Variants in CLECL1 observed in about 807,000 individuals in gnomAD.
CLECL1 encodes C-type lectin-like domain family 1.
the CLECL1 span, among the ~76,000 whole-genome samples, chr12:9,709,864 A>C: frequency 1.3e-5 from 2 of 152,162 alleles, no homozygotes; most frequent in African/African-American, 4.8e-5. Context: ...CAGCTAGTAC[A>C]TTAGAGGACC....
the CLECL1 span, among the ~76,000 whole-genome samples, chr12:9,702,711 T>C: frequency 2.0e-4 from 31 of 152,320 alleles, no homozygotes; most frequent in Non-Finnish European, 2.4e-4. Flanking sequence ...CTTTCTCTCT[T>C]ATGTAAAATA....
chr12:9,705,109 G>A, the CLECL1 span, among the ~76,000 whole-genome samples: 1 of 152,088 alleles, frequency 6.6e-6, no homozygotes, highest in African/African-American at 2.4e-5. Context: ...CCATCTGACT[G>A]GTGTGGGATG....
the CLECL1 span, among the ~76,000 whole-genome samples, chr12:9,703,343 TAC>T: frequency 6.6e-6 from 1 of 151,964 alleles, no homozygotes. Context: ...TATACACACA[TAC>T]ACACACACTC....
intron 1 of CLECL1, among the ~76,000 whole-genome samples, chr12:9,730,043 T>C (rs1034734008): frequency 2.6e-5 from 4 of 152,196 alleles, no homozygotes; most frequent in African/African-American, 9.7e-5. Context: ...TCTCCTCTTA[T>C]ATAATGTATC....
chr12:9,724,184 GAAA>G (rs71045296), intron 3 of CLECL1, among the ~76,000 whole-genome samples: 3 of 130,140 alleles, frequency 2.3e-5, no homozygotes, highest in Admixed American at 7.9e-5. Flanking sequence ...GCAACTCCAT[GAAA>G]AAAAAAAAAA....
chr12:9,713,854 A>T (rs1163178490), downstream of CLECL1, among the ~76,000 whole-genome samples: 1 of 152,162 alleles, frequency 6.6e-6, no homozygotes, highest in Non-Finnish European at 1.5e-5. Context: ...TATTGCTGGG[A>T]ACCAATTTCC....
exon 4 of CLECL1, chr12:9,722,717 G>C: frequency 6.2e-7 from 1 of 1,613,830 alleles, no homozygotes. Context: ...TTTGTTCCAA[G>C]ATTTCTTAGT....
intron 3 of CLECL1, among the ~76,000 whole-genome samples, chr12:9,723,503 C>T (rs190651662): frequency 9.9e-5 from 15 of 151,834 alleles, no homozygotes; most frequent in Admixed American, 7.9e-4. Flanking sequence ...GTGAACAAAG[C>T]CAGACAGATT....
exon 4 of CLECL1, chr12:9,722,685 T>C (rs763561726): frequency 1.9e-6 from 3 of 1,613,990 alleles, no homozygotes; most frequent in Non-Finnish European, 8.5e-7. Flanking sequence ...TATGAATTGT[T>C]TATGGCACAG....
upstream of CLECL1, among the ~76,000 whole-genome samples, chr12:9,733,452 G>A (rs1317440935): frequency 1.3e-5 from 2 of 152,086 alleles, no homozygotes; most frequent in Non-Finnish European, 2.9e-5. Flanking sequence ...AGCTATTTGG[G>A]AAACAGAACA....
chr12:9,711,749 G>A (rs1866202575), downstream of CLECL1, among the ~76,000 whole-genome samples: 1 of 151,482 alleles, frequency 6.6e-6, no homozygotes, highest in Admixed American at 6.6e-5. Context: ...CTTCTTATCT[G>A]TGCTTACTTC....
intron 1 of CLECL1, among the ~76,000 whole-genome samples, chr12:9,730,865 T>G (rs1000707667): frequency 6.6e-6 from 1 of 152,086 alleles, no homozygotes; most frequent in Non-Finnish European, 1.5e-5. Flanking sequence ...TTAAAATTTT[T>G]GGTAGGCATG....
chr12:9,729,844 T>A (rs1287716480), intron 1 of CLECL1, among the ~76,000 whole-genome samples: 2 of 152,044 alleles, frequency 1.3e-5, no homozygotes, highest in African/African-American at 4.8e-5. Flanking sequence ...AACACACATA[T>A]GCGAGTATTC....
At chr12:9,721,323 A>G (rs181693812), downstream of CLECL1, among the ~76,000 whole-genome samples, 64 of 151,896 alleles carry the variant, frequency 4.2e-4, no homozygotes, top group African/African-American at 1.5e-3. Flanking sequence ...AACATATTTT[A>G]TCTGTTTTTT....
At chr12:9,733,093 T>C, upstream of CLECL1, 2 of 1,598,250 alleles carry the variant, frequency 1.3e-6, no homozygotes, top group South Asian at 2.2e-5. Flanking sequence ...CAATCATATT[T>C]CTGCAAAGAA....
chr12:9,715,474 G>A (rs1866228623), downstream of CLECL1, among the ~76,000 whole-genome samples: 1 of 152,004 alleles, frequency 6.6e-6, no homozygotes, highest in Non-Finnish European at 1.5e-5. Flanking sequence ...CTTTGTACTG[G>A]GTGTTACTAT....
chr12:9,731,156 A>C (rs958958986), intron 1 of CLECL1, among the ~76,000 whole-genome samples: 3 of 152,238 alleles, frequency 2.0e-5, no homozygotes, highest in Admixed American at 6.5e-5. Flanking sequence ...CAGTTCAAAC[A>C]CACACTCTCA....
intron 3 of CLECL1, among the ~76,000 whole-genome samples, chr12:9,723,778 C>G (rs1866343145): frequency 6.6e-6 from 1 of 152,110 alleles, no homozygotes; most frequent in Non-Finnish European, 1.5e-5. Flanking sequence ...AAATCTCTGA[C>G]TGATGCAAGC....
At chr12:9,730,974 T>C (rs1053588281) in intron 1 of CLECL1, among the ~76,000 whole-genome samples, 8 of 152,214 alleles carry the variant, frequency 5.3e-5, no homozygotes, top group Non-Finnish European at 1.2e-4. Context: ...GCGTCAGCCA[T>C]TGTGCCTGGC....
Sources: allele counts gnomAD v4.1 joint callset (sites outside exome capture counted in the v4.1 genomes callset), GRCh38; gene constraint gnomAD v4.1.1; transcripts MANE v1.5; gene names NCBI Gene and HGNC (gene_info 2026-07-23, HGNC 2026-07-21).